ACTN4: variants seen among roughly 807,000 people sequenced by gnomAD.
ACTN4 encodes alpha-actinin-4.
A neutral mutation model predicts 114.2 loss-of-function variants in ACTN4; 18 were observed. The observed-to-expected ratio is 0.16, with a 90% CI of 0.11 to 0.23. The LOEUF (loss-of-function observed/expected upper bound fraction) is 0.23, where lower values mean the gene tolerates loss of function less well. Among genes scored for constraint, ACTN4 ranks in the 10% least tolerant of loss-of-function variants. The probability of loss-of-function intolerance (pLI) is 1.00; values close to 1 mark genes in which losing one functional copy is unlikely to be tolerated. For missense variants in ACTN4, 722 were observed against 1,262.9 expected (o/e 0.57, Z 6.49); for synonymous variants, 515 against 506.3 (o/e 1.02, Z -0.23).
At chr19:38,722,795 T>A (rs939278885) in intron 12 of ACTN4, among the ~76,000 whole-genome samples, 2 of 152,180 alleles carry the variant, frequency 1.3e-5, no homozygotes, top group African/African-American at 2.4e-5. Flanking sequence ...AACCCTAGGC[T>A]TGCCCCCTTC....
chr19:38,673,462 TA>T lies in ACTN4; in HGVS notation c.162+25556del, dbSNP rs368037454. 2.1e-3 allele frequency among the ~76,000 whole-genome samples: 173 copies of T among 80,716 alleles called. 4 individuals are homozygous for T. The South Asian group carries it at 0.039, about 18-fold the overall frequency. 53.0% of individuals were successfully genotyped at this position (80,716 alleles called of 152,430 possible). A position where few individuals can be genotyped will look rare whatever the true frequency, so the allele number is the denominator to read the frequency against. ...TTTTTTATATATATATATTCATATA[TA>T]TTTATATATATTTATATATATATTC... On this transcript the variant is annotated intron_variant, in intron 1 of 20. Transcript: ENST00000252699.
Position 38,647,766 on chromosome 19 carries a change from G to T in ACTN4, c.21G>T (p.Ala7=). 6.4e-7 allele frequency: 1 copy of T among 1,552,408 alleles called. No individual in the cohort carries two copies. Among genetic ancestry groups the T allele is most frequent in the Non-Finnish European group, 8.7e-7 (1 of 1,151,122 alleles). The change falls in exon 1 of 21, where the codon GCG becomes GCT. Residue 7 remains alanine (A), a synonymous_variant. Transcript: ENST00000252699. The stretch of plus-strand genomic sequence containing the variant: ...GCGGAATGGTGGACTACCACGCGGC[G>T]AACCAGTCGTACCAGTACGGCCCCA... MVDYHA[A]NQSYQYGPSS...
chr19:38,706,791 A>G (rs1459785203), intron 5 of ACTN4, among the ~76,000 whole-genome samples: 1 of 152,214 alleles, frequency 6.6e-6, no homozygotes, highest in Non-Finnish European at 1.5e-5. Context: ...GTGTTGGGGA[A>G]AAATGTACTC....
At chr19:38,693,841 G>A (rs1457545391) in intron 1 of ACTN4, among the ~76,000 whole-genome samples, 1 of 152,180 alleles carries the variant, frequency 6.6e-6, no homozygotes, top group Non-Finnish European at 1.5e-5. Context: ...CCTGAAGCCC[G>A]CCTTAGCTGG....
intron 1 of ACTN4, among the ~76,000 whole-genome samples, chr19:38,688,390 CAAAAAAAAA>C (rs35793948): frequency 2.5e-5 from 2 of 81,152 alleles, no homozygotes; most frequent in Non-Finnish European, 4.5e-5. Context: ...TTGTCTCTAC[CAAAAAAAAA>C]AAAAAAAAAA....
chr19:38,672,489 C>A (rs1032986753), intron 1 of ACTN4, among the ~76,000 whole-genome samples: 4 of 151,830 alleles, frequency 2.6e-5, no homozygotes, highest in Non-Finnish European at 5.9e-5. Context: ...GACCCACTCG[C>A]CTTGGCTTCC....
chr19:38,677,227 C>T (rs149609304), intron 1 of ACTN4, among the ~76,000 whole-genome samples: 98 of 152,300 alleles, frequency 6.4e-4, no homozygotes, highest in African/African-American at 2.1e-3. Context: ...TAACTCCAAC[C>T]ATCCTTGGCT....
intron 11 of ACTN4, among the ~76,000 whole-genome samples, chr19:38,718,722 GT>G (rs1568738713): frequency 6.6e-6 from 1 of 152,150 alleles, no homozygotes; most frequent in Non-Finnish European, 1.5e-5. Context: ...CCATCTGTTT[GT>G]CCCCTCTGCG....
chr19:38,694,897 CAG>C (rs767976518), intron 1 of ACTN4, among the ~76,000 whole-genome samples: 5 of 152,118 alleles, frequency 3.3e-5, no homozygotes, highest in Admixed American at 2.6e-4. Flanking sequence ...CGGGTTGAGA[CAG>C]GGTCTGGCTC....
intron 1 of ACTN4, among the ~76,000 whole-genome samples, chr19:38,666,620 G>T (rs79033654): frequency 0.014 from 2,149 of 152,350 alleles, 56 homozygotes; most frequent in African/African-American, 0.047. Flanking sequence ...ATCACGGCTG[G>T]GACTGTGCAT....
intron 1 of ACTN4, among the ~76,000 whole-genome samples, chr19:38,680,212 GT>G (rs75920199): frequency 0.01 from 1,243 of 124,004 alleles, 36 homozygotes; most frequent in African/African-American, 0.033. Context: ...AGCTCAGGAA[GT>G]TTTTTTTTTT....
intron 1 of ACTN4, among the ~76,000 whole-genome samples, chr19:38,683,198 G>A (rs978295251): frequency 6.6e-6 from 1 of 152,138 alleles, no homozygotes; most frequent in African/African-American, 2.4e-5. Context: ...GGAGTGGCTG[G>A]GATGACTCTG....
chr19:38,714,465 C>G lies in ACTN4; in HGVS notation c.820-4C>G. On this transcript the variant is annotated splice_polypyrimidine_tract_variant and splice_region_variant and intron_variant, in intron 8 of 20. Transcript: ENST00000252699. ...GGCAGCCCTGACTGTGTGCTCCCCT[C>G]CAGGCTGAAACTGCCGCCAACCGGA... 1 of 1,613,652 alleles carries G rather than the reference C, an allele frequency of 6.2e-7. No individual in the cohort carries two copies. The highest frequency in any genetic ancestry group is 8.5e-7 in the Non-Finnish European group (1 of 1,180,010).
chr19:38,681,227 CTG>C lies in ACTN4; in HGVS notation c.163-19370_163-19369del, dbSNP rs1279078197. ...GCTTTGGACAGATGACTTAACCACT[CTG>C]TGAAGATGGTATCTGATGCACAGGA... is the stretch of plus-strand genomic sequence containing the variant. On this transcript the variant is annotated intron_variant, in intron 1 of 20. Coordinates refer to ENST00000252699, the MANE Select transcript of ACTN4 (RefSeq NM_004924.6). 5.3e-5 allele frequency among the ~76,000 whole-genome samples: 8 copies of C among 151,566 alleles called. No individual in the cohort carries two copies. In the South Asian group the frequency reaches 1.3e-3, roughly 24 times the overall value.
At chr19:38,663,810 A>T (rs1321153032) in intron 1 of ACTN4, among the ~76,000 whole-genome samples, 1 of 152,206 alleles carries the variant, frequency 6.6e-6, no homozygotes, top group African/African-American at 2.4e-5. Context: ...GTATCCATTC[A>T]TGCGTCCTGT....
chr19:38,725,191 A>T (rs1969190293), intron 16 of ACTN4, among the ~76,000 whole-genome samples: 1 of 152,212 alleles, frequency 6.6e-6, no homozygotes. Context: ...ATACCAGGCA[A>T]CCAGGCTGGC....
chr19:38,697,089 G>A (rs145620631), intron 1 of ACTN4, among the ~76,000 whole-genome samples: 7 of 151,962 alleles, frequency 4.6e-5, no homozygotes, highest in African/African-American at 1.4e-4. Context: ...ATGTGAATCC[G>A]CACCTGTGTG....
At chr19:38,657,870 G>A (rs1040402911) in intron 1 of ACTN4, among the ~76,000 whole-genome samples, 9 of 152,210 alleles carry the variant, frequency 5.9e-5, no homozygotes, top group Admixed American at 4.6e-4. Context: ...GCTGACTTCA[G>A]TTGGTGTCAT....
intron 1 of ACTN4, among the ~76,000 whole-genome samples, chr19:38,658,269 G>A (rs1248934080): frequency 6.6e-6 from 1 of 152,136 alleles, no homozygotes; most frequent in Non-Finnish European, 1.5e-5. Context: ...CTAGAAGAGT[G>A]CTTTTTTTCT....
Sources: allele counts gnomAD v4.1 joint callset (sites outside exome capture counted in the v4.1 genomes callset), GRCh38; gene constraint gnomAD v4.1.1; transcripts MANE v1.5; gene names NCBI Gene and HGNC (gene_info 2026-07-23, HGNC 2026-07-21).